USH2A: variants seen among roughly 807,000 people sequenced by gnomAD.
USH2A encodes the protein usherin.
USH2A carries 443 observed loss-of-function variants against 538.9 expected under a neutral mutation model. The observed-to-expected ratio is 0.82, with a 90% confidence interval of 0.76 to 0.89. USH2A has a LOEUF of 0.89. Among genes scored for constraint, USH2A ranks in the 40% least tolerant of loss-of-function variants. The probability of loss-of-function intolerance (pLI) is 0.00; values close to 1 mark genes in which losing one functional copy is unlikely to be tolerated. For missense variants in USH2A, 6,633 were observed against 6,324.8 expected (o/e 1.05, Z -1.65); for synonymous variants, 2,413 against 2,273.5 (o/e 1.06, Z -1.75).
intron 3 of USH2A, among the ~76,000 whole-genome samples, chr1:216,377,008 T>C (rs2038835028): frequency 6.6e-6 from 1 of 152,184 alleles, no homozygotes; most frequent in Non-Finnish European, 1.5e-5. Flanking sequence ...GGCATGCTTT[T>C]CTGTAAGTAC....
At chr1:216,125,936 C>T (rs1236811538) in intron 21 of USH2A, among the ~76,000 whole-genome samples, 2 of 152,196 alleles carry the variant, frequency 1.3e-5, no homozygotes, top group African/African-American at 4.8e-5. Flanking sequence ...CATTATAAGA[C>T]AGCTGCCAAT....
chr1:215,998,786 C>CAT (rs529965408), intron 34 of USH2A, 101 bp downstream of exon 34: 109 of 1,095,292 alleles, frequency 1.0e-4, no homozygotes, highest in Non-Finnish European at 1.3e-4. Context: ...AAGATTTTGA[C>CAT]TTTTTTTTTT....
intron 61 of USH2A, among the ~76,000 whole-genome samples, chr1:215,699,880 G>C (rs887988105): frequency 6.6e-6 from 1 of 152,198 alleles, no homozygotes; most frequent in African/African-American, 2.4e-5. Flanking sequence ...TCCTTGTCCT[G>C]TGCTGGTTTT....
At chr1:215,817,328 T>C in intron 47 of USH2A, 133 bp from the exon 48 acceptor site, 1 of 447,110 alleles carries the variant, frequency 2.2e-6, no homozygotes, top group Non-Finnish European at 3.3e-6. Flanking sequence ...TATGAAATCA[T>C]ATATTTTCAA....
At chr1:216,364,893 G>A in intron 4 of USH2A, 60 bp downstream of exon 4, 3 of 1,596,268 alleles carry the variant, frequency 1.9e-6, no homozygotes, top group East Asian at 2.2e-5. Flanking sequence ...TTTGTTTGAT[G>A]CATTTTTAAG....
At chr1:215,857,611 C>T (rs924782697) in intron 44 of USH2A, among the ~76,000 whole-genome samples, 16 of 152,086 alleles carry the variant, frequency 1.1e-4, no homozygotes, top group African/African-American at 3.6e-4. Context: ...GTTTTACATC[C>T]CCTGGTGCAT....
At chr1:216,211,685 G>C (rs2035244457) in intron 15 of USH2A, among the ~76,000 whole-genome samples, 1 of 152,086 alleles carries the variant, frequency 6.6e-6, no homozygotes, top group Non-Finnish European at 1.5e-5. Flanking sequence ...CAGTCTATAT[G>C]CCTATTTAGA....
At chr1:216,026,188 G>A (rs1300687114) in intron 32 of USH2A, among the ~76,000 whole-genome samples, 4 of 152,066 alleles carry the variant, frequency 2.6e-5, no homozygotes, top group East Asian at 3.8e-4. Context: ...TGTTTAGGTC[G>A]TGTGCCATTC....
intron 11 of USH2A, among the ~76,000 whole-genome samples, chr1:216,267,315 G>T (rs1016008992): frequency 6.6e-6 from 1 of 152,026 alleles, no homozygotes; most frequent in African/African-American, 2.4e-5. Context: ...AAGAAAAGTT[G>T]CAAAGTAATG....
At chr1:216,232,785 A>G (rs1417778830) in intron 13 of USH2A, among the ~76,000 whole-genome samples, 2 of 152,144 alleles carry the variant, frequency 1.3e-5, no homozygotes, top group Non-Finnish European at 2.9e-5. Flanking sequence ...CACTTTTTTT[A>G]TAACTAATAC....
chr1:215,967,921 C>T (rs927450450), intron 36 of USH2A, among the ~76,000 whole-genome samples: 2 of 152,028 alleles, frequency 1.3e-5, no homozygotes, highest in African/African-American at 4.8e-5. Context: ...AGAATCGATC[C>T]AATGAATGTT....
rs141691365 is a variant in USH2A, at chr1:215,628,170, A to AC, written c.15519+643_15519+644insG. 5.9e-3 allele frequency among the ~76,000 whole-genome samples: 893 copies of AC among 152,312 alleles called. 21 individuals are homozygous for AC. The South Asian group carries it at 0.064, about 11-fold the overall frequency. ...CACCAATAGGAAAAGGCAAAACAAAAAAAGTACCTTTTTGTTTTAGTAAAA... is the reference window on the plus strand; with the variant it reads ...CACCAATAGGAAAAGGCAAAACAAAACAAAGTACCTTTTTGTTTTAGTAAAA... On this transcript the variant is annotated intron_variant, in intron 71 of 71. Transcript: ENST00000307340.
chr1:215,740,547 T>C (rs1490796920), intron 60 of USH2A, among the ~76,000 whole-genome samples: 2 of 152,184 alleles, frequency 1.3e-5, no homozygotes, highest in African/African-American at 2.4e-5. Flanking sequence ...GAAGGAAAAC[T>C]GGAGAGGAGA....
rs114375843 is a variant in USH2A at position 216,405,960 on chromosome 1, C to G, written c.651+12554G>C. Among the ~76,000 whole-genome samples, 726 of 152,238 alleles carry G rather than the reference C, an allele frequency of 4.8e-3. 3 individuals carry two copies. The highest frequency in any genetic ancestry group is 0.017 in the African/African-American group (696 of 41,538). On this transcript the variant is annotated intron_variant, in intron 3 of 71. Coordinates refer to ENST00000307340, the MANE Select transcript of USH2A (RefSeq NM_206933.4). ...TACATATTGTGTGATGTCATGTATA[C>G]AACATTTTGAAAAGACCAAATTTTA...
chr1:215,992,974 C>G, intron 35 of USH2A, 46 bp downstream of exon 35: 1 of 1,613,266 alleles, frequency 6.2e-7, no homozygotes, highest in Non-Finnish European at 8.5e-7. Context: ...ATTAATTTAC[C>G]TTTGCTAATC....
chr1:215,801,493 G>A (rs2102781245), intron 49 of USH2A, among the ~76,000 whole-genome samples: 1 of 149,616 alleles, frequency 6.7e-6, no homozygotes, highest in East Asian at 2.0e-4. Context: ...TATACACTAA[G>A]AATGAACAAC....
chr1:215,878,460 A>G (rs1405007944), intron 42 of USH2A, among the ~76,000 whole-genome samples: 1 of 152,192 alleles, frequency 6.6e-6, no homozygotes, highest in African/African-American at 2.4e-5. Context: ...TAGAACCTAC[A>G]TCAGGTTTGC....
rs924547908 is a variant in USH2A at position 216,373,813 on chromosome 1, T to C, written c.652-8728A>G. 6.6e-5 allele frequency among the ~76,000 whole-genome samples: 10 copies of C among 152,214 alleles called. No homozygotes were observed. The South Asian group carries it at 1.2e-3, about 19-fold the overall frequency. ...GATCTGAAAGAGACACGTATGTTTATTGCGGCCCTATTCACAATAGCAAAG... is the reference window on the plus strand; with the variant it reads ...GATCTGAAAGAGACACGTATGTTTACTGCGGCCCTATTCACAATAGCAAAG... On this transcript the variant is annotated intron_variant, in intron 3 of 71. Coordinates refer to ENST00000307340, the MANE Select transcript of USH2A (RefSeq NM_206933.4).
At chr1:215,670,235 G>A (rs1001940860) in intron 64 of USH2A, among the ~76,000 whole-genome samples, 4 of 152,284 alleles carry the variant, frequency 2.6e-5, no homozygotes, top group South Asian at 2.1e-4. Context: ...GGGGCTGAGC[G>A]GCTCATGTGC....
Sources: allele counts gnomAD v4.1 joint callset (sites outside exome capture counted in the v4.1 genomes callset), GRCh38; gene constraint gnomAD v4.1.1; transcripts MANE v1.5; gene names NCBI Gene and HGNC (gene_info 2026-07-23, HGNC 2026-07-21).